TTC39C: variants seen among roughly 807,000 people sequenced by gnomAD.
TTC39C encodes tetratricopeptide repeat protein 39C.
TTC39C carries 33 observed loss-of-function variants against 76.3 expected under a neutral mutation model. That is an observed-to-expected ratio of 0.43 (90% confidence interval 0.33 to 0.58). The LOEUF (loss-of-function observed/expected upper bound fraction) is 0.58, where lower values mean the gene tolerates loss of function less well. Ranked by LOEUF, TTC39C falls within the 20% of genes least tolerant of loss-of-function variation. The pLI is 0.04. For missense variants in TTC39C, 595 were observed against 701.4 expected (o/e 0.85, Z 1.71); for synonymous variants, 254 against 260.6 (o/e 0.97, Z 0.24).
At position 24,032,991 on chromosome 18, in the gene TTC39C, A is replaced by G. The variant is rs1013835191; in HGVS notation, c.167+17953A>G. On this transcript the variant is annotated intron_variant, in intron 1 of 13. Transcript: ENST00000317571. Reference sequence around the variant, plus strand: ...ATGCTGGCTGGGTGCAGTGGCTCACACTTGTATTCCCAGCACGTTGGAAGG... The same window carrying G: ...ATGCTGGCTGGGTGCAGTGGCTCACGCTTGTATTCCCAGCACGTTGGAAGG... Among the ~76,000 whole-genome samples the G allele has an allele frequency of 1.3e-5, 2 of 152,222 alleles. 1 individual carries two copies. Among genetic ancestry groups the G allele is most frequent in the South Asian group, 4.1e-4 (2 of 4,824 alleles).
intron 1 of TTC39C, among the ~76,000 whole-genome samples, chr18:24,031,175 C>T (rs1430818963): frequency 2.0e-5 from 3 of 150,640 alleles, no homozygotes; most frequent in Non-Finnish European, 4.4e-5. Context: ...CCAGGCTGGT[C>T]TCGAACTCCT....
intron 1 of TTC39C, among the ~76,000 whole-genome samples, chr18:24,001,829 T>TG (rs764404533): frequency 1.3e-4 from 6 of 44,566 alleles, no homozygotes; most frequent in African/African-American, 2.5e-4. Context: ...TTCTGTTTTT[T>TG]TTTTTTTTTT....
At chr18:24,098,040 A>G (rs1017393761) in intron 6 of TTC39C, among the ~76,000 whole-genome samples, 10 of 152,178 alleles carry the variant, frequency 6.6e-5, no homozygotes, top group Admixed American at 2.0e-4. Flanking sequence ...ATAAAACAAG[A>G]ATATCATGAT....
chr18:24,128,992 T>C lies in TTC39C; in HGVS notation c.1518+9T>C, dbSNP rs1356975867. 1 of 1,609,402 alleles carries C rather than the reference T, an allele frequency of 6.2e-7. No individual in the cohort carries two copies. On this transcript the variant is annotated intron_variant, in intron 11 of 13. Coordinates refer to ENST00000317571, the MANE Select transcript of TTC39C (RefSeq NM_001135993.2). The stretch of plus-strand genomic sequence containing the variant: ...CAGAAGATGCTGTTCAGGTAAACTG[T>C]TAATGTTGTCAGGGCTAAAGAAAAT...
chr18:24,094,048 A>C (rs1210244713), intron 6 of TTC39C, among the ~76,000 whole-genome samples: 1 of 152,240 alleles, frequency 6.6e-6, no homozygotes, highest in Admixed American at 6.5e-5. Flanking sequence ...ACTTCTTTCA[A>C]AATTAAGTCA....
chr18:24,005,339 C>T (rs952767889), intron 1 of TTC39C, among the ~76,000 whole-genome samples: 3 of 152,122 alleles, frequency 2.0e-5, no homozygotes, highest in Non-Finnish European at 2.9e-5. Context: ...TGCTAGCCAG[C>T]AGTCATTCTA....
At chr18:24,092,526 A>G (rs942859645) in intron 6 of TTC39C, among the ~76,000 whole-genome samples, 5 of 152,258 alleles carry the variant, frequency 3.3e-5, no homozygotes, top group African/African-American at 4.8e-5. Context: ...TGATACATTC[A>G]TACAATGGAA....
At chr18:24,102,367 C>A (rs55876790) in intron 6 of TTC39C, among the ~76,000 whole-genome samples, 23,830 of 152,192 alleles carry the variant, frequency 0.16, 2,068 homozygotes, top group Middle Eastern at 0.27. Context: ...ACTACTCTAT[C>A]CATTATGTGT....
At chr18:24,014,698 G>C, upstream of TTC39C, 2 of 1,000,876 alleles carry the variant, frequency 2.0e-6, no homozygotes, top group East Asian at 4.7e-5. Flanking sequence ...GCCGGGCCGC[G>C]GCTCCTCCCT....
intron 6 of TTC39C, among the ~76,000 whole-genome samples, chr18:24,109,888 C>T (rs1403276840): frequency 6.6e-6 from 1 of 152,026 alleles, no homozygotes; most frequent in Non-Finnish European, 1.5e-5. Flanking sequence ...CACCTGTAAT[C>T]CCAGCTAATC....
intron 1 of TTC39C, among the ~76,000 whole-genome samples, chr18:23,995,312 A>G (rs1481109060): frequency 1.3e-5 from 2 of 151,978 alleles, no homozygotes; most frequent in Non-Finnish European, 2.9e-5. Context: ...CACTAAAAAT[A>G]CCCCAAAATT....
intron 1 of TTC39C, among the ~76,000 whole-genome samples, chr18:24,027,259 G>C (rs1210302208): frequency 1.3e-5 from 2 of 151,680 alleles, no homozygotes; most frequent in Admixed American, 6.6e-5. Flanking sequence ...GCCACTGTGC[G>C]AGACTCCATC....
At chr18:24,014,680 G>C, upstream of TTC39C, 1 of 858,910 alleles carries the variant, frequency 1.2e-6, no homozygotes, top group Non-Finnish European at 1.5e-6. Flanking sequence ...CTCCCACGCC[G>C]CGCCGCAGCC....
intron 6 of TTC39C, among the ~76,000 whole-genome samples, chr18:24,096,093 C>T (rs544304739): frequency 3.8e-4 from 58 of 152,242 alleles, no homozygotes; most frequent in African/African-American, 1.4e-3. Flanking sequence ...GATCATAGAT[C>T]ACCATAACAA....
chr18:24,127,557 G>A (rs1224703384), intron 10 of TTC39C, among the ~76,000 whole-genome samples: 1 of 151,988 alleles, frequency 6.6e-6, no homozygotes, highest in African/African-American at 2.4e-5. Context: ...ATGCTCTGTC[G>A]CCCAGGCTGG....
At position 24,026,628 on chromosome 18, in the gene TTC39C, G is replaced by A. The variant is rs183809614; in HGVS notation, c.167+11590G>A. Among the ~76,000 whole-genome samples, 292 of 152,238 alleles carry A rather than the reference G, an allele frequency of 1.9e-3. 2 individuals carry two copies. Among genetic ancestry groups the A allele is most frequent in the Middle Eastern group, 0.014 (4 of 294 alleles). ...AGCTCAGCCTGTTTTACATGCTCAG[G>A]TGCACCATAACACTCCTTTTGGGTG... On this transcript the variant is annotated intron_variant, in intron 1 of 13. Coordinates refer to ENST00000317571, the MANE Select transcript of TTC39C (RefSeq NM_001135993.2).
intron 10 of TTC39C, among the ~76,000 whole-genome samples, 184 bp from the exon 11 acceptor site, chr18:24,128,702 G>A (rs2085082222): frequency 1.3e-5 from 2 of 152,136 alleles, no homozygotes; most frequent in South Asian, 4.1e-4. Flanking sequence ...GGTGCCTATG[G>A]TATGGCAATT....
At chr18:24,063,615 C>A (rs936110309) in intron 1 of TTC39C, among the ~76,000 whole-genome samples, 17 of 151,190 alleles carry the variant, frequency 1.1e-4, no homozygotes, top group Non-Finnish European at 2.4e-4. Context: ...TGGATTCACG[C>A]AATTGTCCCT....
At chr18:24,084,029 T>G (rs1333936541) in intron 6 of TTC39C, among the ~76,000 whole-genome samples, 2 of 152,112 alleles carry the variant, frequency 1.3e-5, no homozygotes, top group Non-Finnish European at 1.5e-5. Flanking sequence ...GAATAATTTG[T>G]TTTTTTGGGG....
Sources: gnomAD v4.1 joint callset for allele counts (sites outside exome capture counted in the v4.1 genomes callset) on GRCh38, gnomAD v4.1.1 for gene constraint, MANE v1.5 for transcripts, NCBI Gene and HGNC (gene_info 2026-07-23, HGNC 2026-07-21) for gene names.